The following CHSY3 variants were observed in gnomAD, a reference collection of about 807,000 sequenced individuals.
The protein encoded by CHSY3 is chondroitin sulfate synthase 3.
CHSY3 carries 35 observed loss-of-function variants against 67.2 expected under a neutral mutation model. The ratio of observed to expected loss-of-function variants is 0.52; its 90% CI spans 0.40 to 0.69. The LOEUF is 0.69. CHSY3 is among the 30% of genes least tolerant of loss of function. The pLI is 0.00. For synonymous variants in CHSY3, 474 were observed against 434.7 expected (o/e 1.09, Z -1.12); for missense variants, 1,069 against 1,138.5 (o/e 0.94, Z 0.88).
chr5:130,035,501 T>C (rs1369937738), intron 2 of CHSY3, among the ~76,000 whole-genome samples: 1 of 152,090 alleles, frequency 6.6e-6, no homozygotes, highest in Admixed American at 6.6e-5. Context: ...TTGGCTACAG[T>C]TAAAGTAAAG....
At chr5:129,909,954 T>C (rs1027174517) in intron 2 of CHSY3, among the ~76,000 whole-genome samples, 2 of 151,968 alleles carry the variant, frequency 1.3e-5, no homozygotes, top group Non-Finnish European at 2.9e-5. Context: ...CAAGATAGTG[T>C]TTAGGTGTTC....
chr5:130,163,177 C>T (rs1306150820), intron 2 of CHSY3, among the ~76,000 whole-genome samples: 1 of 151,870 alleles, frequency 6.6e-6, no homozygotes, highest in Non-Finnish European at 1.5e-5. Flanking sequence ...AAAAGTTAAA[C>T]ATGAGAAGAG....
At chr5:129,968,299 A>G (rs1051878577) in intron 2 of CHSY3, among the ~76,000 whole-genome samples, 5 of 151,858 alleles carry the variant, frequency 3.3e-5, no homozygotes, top group Admixed American at 6.6e-5. Context: ...TGTAGCTAAC[A>G]TTTTTTAAAT....
chr5:130,020,445 A>T (rs1248146633), intron 2 of CHSY3, among the ~76,000 whole-genome samples: 2 of 13,608 alleles, frequency 1.5e-4, no homozygotes. Flanking sequence ...ATATATATAT[A>T]TATATATATA....
chr5:130,104,016 T>C (rs1014488635), intron 2 of CHSY3, among the ~76,000 whole-genome samples: 1 of 151,940 alleles, frequency 6.6e-6, no homozygotes, highest in Non-Finnish European at 1.5e-5. Flanking sequence ...ATTCATTTTT[T>C]ACAAGTAGCT....
chr5:130,119,270 A>G (rs1356716554), intron 2 of CHSY3, among the ~76,000 whole-genome samples: 2 of 152,142 alleles, frequency 1.3e-5, no homozygotes, highest in Non-Finnish European at 2.9e-5. Context: ...CTGCCTTTCT[A>G]TGCAGTTCAG....
chr5:129,967,756 A>G (rs1762511207), intron 2 of CHSY3, among the ~76,000 whole-genome samples: 1 of 151,824 alleles, frequency 6.6e-6, no homozygotes, highest in Non-Finnish European at 1.5e-5. Context: ...AAACCTGACC[A>G]TGTCCACAGA....
intron 2 of CHSY3, among the ~76,000 whole-genome samples, chr5:130,021,474 A>C (rs2149654043): frequency 6.6e-6 from 1 of 152,298 alleles, no homozygotes; most frequent in African/African-American, 2.4e-5. Flanking sequence ...ATAGAAAATA[A>C]AAAAGAATTG....
At chr5:130,096,278 T>C (rs1423841747) in intron 2 of CHSY3, among the ~76,000 whole-genome samples, 1 of 152,070 alleles carries the variant, frequency 6.6e-6, no homozygotes, top group Non-Finnish European at 1.5e-5. Context: ...GTTCAAGCAG[T>C]TTTCTGCCTC....
At chr5:129,977,868 T>TAAA (rs57958050) in intron 2 of CHSY3, among the ~76,000 whole-genome samples, 1 of 140,388 alleles carries the variant, frequency 7.1e-6, no homozygotes, top group African/African-American at 2.7e-5. Flanking sequence ...ATATAAGAAG[T>TAAA]AAAAAAAAAA....
intron 2 of CHSY3, among the ~76,000 whole-genome samples, chr5:129,917,146 C>G (rs1411144552): frequency 6.6e-6 from 1 of 152,146 alleles, no homozygotes; most frequent in Non-Finnish European, 1.5e-5. Flanking sequence ...GCTTCTTACT[C>G]TAGTTTTGCC....
intron 2 of CHSY3, among the ~76,000 whole-genome samples, chr5:129,955,928 A>C (rs2149604164): frequency 6.6e-6 from 1 of 152,278 alleles, no homozygotes; most frequent in Middle Eastern, 3.4e-3. Flanking sequence ...CATTCTCTTT[A>C]TCCAGTCTAT....
chr5:130,107,209 A>G (rs1351437441), intron 2 of CHSY3, among the ~76,000 whole-genome samples: 2 of 151,160 alleles, frequency 1.3e-5, no homozygotes, highest in African/African-American at 4.8e-5. Flanking sequence ...TTCATTCTTT[A>G]CTCTTCACCT....
chr5:130,170,865 A>G (rs1352217993), intron 2 of CHSY3, among the ~76,000 whole-genome samples: 1 of 151,226 alleles, frequency 6.6e-6, no homozygotes, highest in Non-Finnish European at 1.5e-5. Flanking sequence ...TTGAGTAACT[A>G]TTACTTTACA....
chr5:130,138,078 CA>C (rs1169727089), intron 2 of CHSY3, among the ~76,000 whole-genome samples: 1,583 of 148,190 alleles, frequency 0.011, 26 homozygotes, highest in African/African-American at 0.036. Flanking sequence ...ATACAAAATA[CA>C]AAAAAAAAAT....
At chr5:129,949,074 G>A (rs561837748) in intron 2 of CHSY3, among the ~76,000 whole-genome samples, 13 of 152,106 alleles carry the variant, frequency 8.5e-5, no homozygotes, top group African/African-American at 3.1e-4. Flanking sequence ...AAAAGGACTA[G>A]TCCAACAGGA....
chr5:130,020,461 A>ATATATATATATATTTT (rs1371121130), intron 2 of CHSY3, among the ~76,000 whole-genome samples: 1 of 79,930 alleles, frequency 1.3e-5, no homozygotes, highest in Non-Finnish European at 2.2e-5. Flanking sequence ...ATATATATAT[A>ATATATATATATATTTT]TTTTTTTTTT....
At chr5:130,175,804 TGC>T (rs1770030039) in intron 2 of CHSY3, among the ~76,000 whole-genome samples, 1 of 152,232 alleles carries the variant, frequency 6.6e-6, no homozygotes, top group Non-Finnish European at 1.5e-5. Context: ...GCTACCCATA[TGC>T]AGAAAACTGA....
chr5:129,956,189 C>T (rs1762167994), intron 2 of CHSY3, among the ~76,000 whole-genome samples: 1 of 152,042 alleles, frequency 6.6e-6, no homozygotes. Context: ...TCTCCAAAAC[C>T]TTGCGGCGTG....
Sources: gnomAD v4.1 joint callset for allele counts (sites outside exome capture counted in the v4.1 genomes callset) on GRCh38, gnomAD v4.1.1 for gene constraint, MANE v1.5 for transcripts, NCBI Gene and HGNC (gene_info 2026-07-23, HGNC 2026-07-21) for gene names.